The following BRINP2 variants were observed in gnomAD, a reference collection of about 807,000 sequenced individuals.
BRINP2 encodes BMP/retinoic acid inducible neural specific 2.
A neutral mutation model predicts 69.2 loss-of-function variants in BRINP2; 21 were observed. The observed-to-expected ratio is 0.30, with a 90% CI of 0.22 to 0.44. The LOEUF (loss-of-function observed/expected upper bound fraction) is 0.44, where lower values mean the gene tolerates loss of function less well. Ranked by LOEUF, BRINP2 falls within the 20% of genes least tolerant of loss-of-function variation. The pLI, the probability that BRINP2 is intolerant of heterozygous loss-of-function variation, is 1.00. For synonymous variants in BRINP2, 380 were observed against 394.1 expected (o/e 0.96, Z 0.42); for missense variants, 877 against 986.0 (o/e 0.89, Z 1.48).
intron 2 of BRINP2, among the ~76,000 whole-genome samples, chr1:177,233,184 C>A (rs887068727): frequency 6.6e-6 from 1 of 152,160 alleles, no homozygotes; most frequent in East Asian, 1.9e-4. Context: ...AATCACGGAC[C>A]TCCAGAGATT....
intron 4 of BRINP2, among the ~76,000 whole-genome samples, chr1:177,263,679 A>C (rs1355336644): frequency 6.6e-6 from 1 of 152,212 alleles, no homozygotes; most frequent in Non-Finnish European, 1.5e-5. Flanking sequence ...TGAAGAGAAG[A>C]GGTGAGATTA....
At chr1:177,181,289 A>G (rs563035084) in intron 1 of BRINP2, among the ~76,000 whole-genome samples, 10 of 152,068 alleles carry the variant, frequency 6.6e-5, no homozygotes, top group Non-Finnish European at 1.2e-4. Context: ...CTCAGTTGTG[A>G]TTTTTTTTCT....
At chr1:177,239,082 G>A (rs1650118664) in intron 2 of BRINP2, among the ~76,000 whole-genome samples, 1 of 152,202 alleles carries the variant, frequency 6.6e-6, no homozygotes, top group Admixed American at 6.5e-5. Flanking sequence ...GCTACTTAAT[G>A]CTCTGAGAGA....
At chr1:177,193,898 A>G (rs1321917146) in intron 1 of BRINP2, among the ~76,000 whole-genome samples, 1 of 152,228 alleles carries the variant, frequency 6.6e-6, no homozygotes, top group Non-Finnish European at 1.5e-5. Context: ...AGAGGAAACA[A>G]AACTTCAGGG....
chr1:177,202,831 G>A (rs1486373296), intron 1 of BRINP2, among the ~76,000 whole-genome samples: 2 of 152,162 alleles, frequency 1.3e-5, no homozygotes, highest in Non-Finnish European at 2.9e-5. Context: ...GAAACAACAG[G>A]TGCTGGAGAG....
chr1:177,263,609 A>G (rs1476979382), intron 4 of BRINP2, among the ~76,000 whole-genome samples: 1 of 152,118 alleles, frequency 6.6e-6, no homozygotes, highest in Non-Finnish European at 1.5e-5. Context: ...AGTAGTTGAG[A>G]TTATATGGGA....
In BRINP2 at chr1:177,276,322, C is replaced by A. The variant is rs1305299980; in HGVS notation, c.900C>A (p.Ser300Arg). ...CKENDCWCKC[S>R]PTFPECNCPD... ...AGAATGACTGCTGGTGCAAGTGCAG[C>A]CCCACCTTCCCTGAATGCAACTGCC... The change falls in exon 6 of 8, where the codon AGC becomes AGA. Residue 300 changes from serine (S) to arginine (R), a missense_variant. Ser to Arg is a moderately radical substitution (Grantham distance 110, BLOSUM62 -1). This residue lies in a region of BRINP2 where 566 missense variants were observed against 625.2 expected (regional missense o/e 0.91). Transcript: ENST00000361539. 2 of 1,614,090 alleles carry A rather than the reference C, an allele frequency of 1.2e-6. No homozygotes were observed. The highest frequency in any genetic ancestry group is 1.7e-5 in the Admixed American group (1 of 60,010).
At chr1:177,242,804 C>T (rs937709204) in intron 2 of BRINP2, among the ~76,000 whole-genome samples, 14 of 152,154 alleles carry the variant, frequency 9.2e-5, no homozygotes, top group African/African-American at 3.1e-4. Flanking sequence ...TGAAACCATT[C>T]AGTAGGAGTA....
intron 1 of BRINP2, among the ~76,000 whole-genome samples, chr1:177,173,205 G>A (rs965541194): frequency 5.9e-5 from 9 of 152,190 alleles, no homozygotes; most frequent in Non-Finnish European, 1.0e-4. Flanking sequence ...GGGCATGACC[G>A]AGACATGCTG....
At position 177,176,816 on chromosome 1, in the gene BRINP2, G is replaced by C. The variant is rs1463374145; in HGVS notation, c.-77+5084G>C. 2.6e-5 allele frequency among the ~76,000 whole-genome samples: 4 copies of C among 152,142 alleles called. No homozygotes were observed. The South Asian group carries it at 8.3e-4, about 31-fold the overall frequency. On this transcript the variant is annotated intron_variant, in intron 1 of 7. Coordinates refer to ENST00000361539, the MANE Select transcript of BRINP2 (RefSeq NM_021165.4). ...TAAGCCCACCCAAAGCCTTTGGGAA[G>C]CATTACAGCTCTCAGCTCACATACA...
Position 177,232,783 on chromosome 1 carries a change from G to GA in BRINP2, c.269+2649dup, listed in dbSNP as rs11325642. ...CTATAATCCAGAAGAGTAGAAAGAG[G>GA]AAAAAAAAAAACAACAGAGAATATC... On this transcript the variant is annotated intron_variant, in intron 2 of 7. Transcript: ENST00000361539. 2.3e-3 allele frequency among the ~76,000 whole-genome samples: 333 copies of GA among 145,692 alleles called. 5 individuals are homozygous for GA. The highest frequency in any genetic ancestry group is 0.011 in the Middle Eastern group (3 of 280).
intron 1 of BRINP2, among the ~76,000 whole-genome samples, chr1:177,189,190 A>G (rs1321819688): frequency 6.6e-6 from 1 of 152,102 alleles, no homozygotes; most frequent in Non-Finnish European, 1.5e-5. Context: ...TTCAAGTTAG[A>G]CTTGATTCTG....
At chr1:177,259,166 A>T (rs1025954835) in intron 4 of BRINP2, among the ~76,000 whole-genome samples, 1 of 152,214 alleles carries the variant, frequency 6.6e-6, no homozygotes, top group African/African-American at 2.4e-5. Context: ...AATGATAAAA[A>T]AGCCAAACAG....
At chr1:177,232,784 A>G (rs1649902906) in intron 2 of BRINP2, among the ~76,000 whole-genome samples, 1 of 98,038 alleles carries the variant, frequency 1.0e-5, no homozygotes, top group South Asian at 2.7e-4. Flanking sequence ...TAGAAAGAGG[A>G]AAAAAAAAAA....
chr1:177,174,649 T>C (rs910402710), intron 1 of BRINP2, among the ~76,000 whole-genome samples: 1 of 152,216 alleles, frequency 6.6e-6, no homozygotes, highest in Admixed American at 6.5e-5. Flanking sequence ...GAAAGGGTTC[T>C]AGCTGACAGA....
chr1:177,195,660 G>C (rs555981777), intron 1 of BRINP2, among the ~76,000 whole-genome samples: 20 of 151,174 alleles, frequency 1.3e-4, no homozygotes, highest in Admixed American at 4.0e-4. Flanking sequence ...GCTGGCAAGT[G>C]GGGGGGGAAT....
chr1:177,252,434 T>C (rs915073154), intron 2 of BRINP2, among the ~76,000 whole-genome samples: 12 of 152,274 alleles, frequency 7.9e-5, no homozygotes, highest in African/African-American at 2.2e-4. Context: ...TAATTTTAAT[T>C]TTAAAAATTT....
intron 4 of BRINP2, among the ~76,000 whole-genome samples, chr1:177,262,197 C>A (rs1193121494): frequency 6.6e-6 from 1 of 152,056 alleles, no homozygotes; most frequent in African/African-American, 2.4e-5. Flanking sequence ...GGAGCTGTTC[C>A]AGCATATTGA....
At chr1:177,261,677 A>G (rs1650958596) in intron 4 of BRINP2, among the ~76,000 whole-genome samples, 1 of 152,176 alleles carries the variant, frequency 6.6e-6, no homozygotes, top group Admixed American at 6.5e-5. Context: ...TGGTGTGCAA[A>G]TATATACACA....
Sources: gnomAD v4.1 joint callset for allele counts (sites outside exome capture counted in the v4.1 genomes callset) on GRCh38, gnomAD v4.1.1 for gene constraint, gnomAD v4.1.1 regional missense constraint, MANE v1.5 for transcripts, NCBI Gene and HGNC (gene_info 2026-07-23, HGNC 2026-07-21) for gene names.